The following ESR2 variants were observed in gnomAD, a reference collection of about 807,000 sequenced individuals.
ESR2 encodes estrogen receptor beta.
ESR2 carries 36 observed loss-of-function variants against 49.6 expected under a neutral mutation model. That is an observed-to-expected ratio of 0.73 (90% CI 0.56 to 0.96). The LOEUF is 0.96. Ranked by LOEUF, ESR2 falls within the 40% of genes least tolerant of loss-of-function variation. The pLI, the probability that ESR2 is intolerant of heterozygous loss-of-function variation, is 0.00. For missense variants in ESR2, 714 were observed against 693.0 expected (o/e 1.03, Z -0.34); for synonymous variants, 320 against 266.1 (o/e 1.20, Z -1.97).
chr14:64,227,501 T>C (rs1054945029), downstream of ESR2: 1 of 1,609,910 alleles, frequency 6.2e-7, no homozygotes, highest in Non-Finnish European at 8.5e-7. Context: ...TTACCCAAGA[T>C]TTTTCTTTAG....
At position 64,269,040 on chromosome 14, in the gene ESR2, G is replaced by T. The variant is rs2076387737; in HGVS notation, c.536-129C>A. On this transcript the variant is annotated intron_variant, in intron 3 of 8. Coordinates refer to ENST00000341099, the MANE Select transcript of ESR2 (RefSeq NM_001437.3). The stretch of plus-strand genomic sequence containing the variant: ...GACATCTTCTTAATGACCAGTACAG[G>T]TACAAAGCCAAAGTCAAGCTACATT... 8 of 610,326 alleles carry T rather than the reference G, an allele frequency of 1.3e-5. No homozygotes were observed. The South Asian group carries it at 1.7e-4, about 13-fold the overall frequency. 37.8% of individuals were successfully genotyped at this position (610,326 alleles called of 1,614,324 possible).
upstream of ESR2, among the ~76,000 whole-genome samples, chr14:64,294,801 C>T (rs34114304): frequency 1.3e-3 from 193 of 152,364 alleles, 2 homozygotes; most frequent in African/African-American, 4.5e-3. Flanking sequence ...CAGCAGCAAA[C>T]GTAACCTCGG....
At chr14:64,271,532 C>T (rs549262361) in intron 3 of ESR2, among the ~76,000 whole-genome samples, 7 of 152,114 alleles carry the variant, frequency 4.6e-5, no homozygotes, top group East Asian at 1.9e-4. Context: ...CACCGTGTTG[C>T]CCAAGCTGGT....
intron 1 of ESR2, among the ~76,000 whole-genome samples, chr14:64,313,095 AG>A (rs748326307): frequency 5.3e-4 from 80 of 152,346 alleles, no homozygotes; most frequent in South Asian, 1.2e-3. Flanking sequence ...CAAACAAAGT[AG>A]ACTTCAGAGC....
intron 1 of ESR2, among the ~76,000 whole-genome samples, chr14:64,323,134 G>T (rs2077344824): frequency 6.6e-6 from 1 of 152,176 alleles, no homozygotes; most frequent in South Asian, 2.1e-4. Context: ...GGTGACATGG[G>T]CAGAGAGAAA....
chr14:64,290,453 AATG>A (rs1174685662), intron 1 of ESR2, among the ~76,000 whole-genome samples: 2 of 152,010 alleles, frequency 1.3e-5, no homozygotes, highest in African/African-American at 4.8e-5. Context: ...CCCAGGCTGG[AATG>A]CAGTGGCATG....
intron 1 of ESR2, among the ~76,000 whole-genome samples, chr14:64,322,636 G>A (rs1230404660): frequency 2.0e-5 from 3 of 150,810 alleles, no homozygotes; most frequent in African/African-American, 7.3e-5. Context: ...CAACAAAAAA[G>A]AATGACAGCA....
chr14:64,326,897 G>A (rs1246363284), intron 1 of ESR2, among the ~76,000 whole-genome samples: 2 of 152,102 alleles, frequency 1.3e-5, no homozygotes, highest in Admixed American at 6.6e-5. Flanking sequence ...AGTCAACCAC[G>A]GTATAAAGGA....
chr14:64,291,312 C>T (rs542457280), intron 1 of ESR2, among the ~76,000 whole-genome samples: 215 of 152,338 alleles, frequency 1.4e-3, no homozygotes, highest in African/African-American at 5.0e-3. Context: ...CTCCTGCCCT[C>T]TCTCAAGTAC....
chr14:64,267,895 A>G lies in ESR2; in HGVS notation c.652+900T>C, dbSNP rs559560487. Among the ~76,000 whole-genome samples, 779 of 152,060 alleles carry G rather than the reference A, an allele frequency of 5.1e-3. 2 individuals carry two copies. Among genetic ancestry groups the G allele is most frequent in the Middle Eastern group, 0.01 (3 of 294 alleles). On this transcript the variant is annotated intron_variant, in intron 4 of 8. Coordinates refer to ENST00000341099, the MANE Select transcript of ESR2 (RefSeq NM_001437.3). ...CGAGACTCCATCTCAAAAAAAAAAA[A>G]AAAAAGAAATTGTCAGAGAGTAAAG...
chr14:64,286,870 T>G (rs1264560115), intron 1 of ESR2, among the ~76,000 whole-genome samples: 2 of 151,434 alleles, frequency 1.3e-5, no homozygotes, highest in Non-Finnish European at 2.9e-5. Context: ...GCATGCACAA[T>G]TAGGCCAGGC....
chr14:64,327,674 G>T (rs189492504), intron 1 of ESR2, among the ~76,000 whole-genome samples: 124 of 150,610 alleles, frequency 8.2e-4, no homozygotes, highest in Middle Eastern at 3.4e-3. Flanking sequence ...CAGCCTGGGC[G>T]ACAGAGCAAG....
intron 2 of ESR2, among the ~76,000 whole-genome samples, chr14:64,281,260 C>T (rs1045583880): frequency 6.6e-6 from 1 of 152,142 alleles, no homozygotes; most frequent in African/African-American, 2.4e-5. Flanking sequence ...CCCAGGCAGC[C>T]TCCAAAACAC....
chr14:64,275,365 G>A (rs1351699179), intron 3 of ESR2, among the ~76,000 whole-genome samples: 1 of 151,878 alleles, frequency 6.6e-6, no homozygotes, highest in African/African-American at 2.4e-5. Flanking sequence ...TTTTTGTCTT[G>A]AACTCTATTT....
At chr14:64,261,394 T>C (rs1233842001) in intron 4 of ESR2, among the ~76,000 whole-genome samples, 1 of 151,580 alleles carries the variant, frequency 6.6e-6, no homozygotes. Flanking sequence ...CCTGCCACCA[T>C]ATTTTTCCAC....
intron 1 of ESR2, among the ~76,000 whole-genome samples, chr14:64,332,672 C>T (rs903875753): frequency 2.0e-5 from 3 of 150,870 alleles, no homozygotes; most frequent in Admixed American, 2.0e-4. Context: ...TGCTGGTGGG[C>T]ACCTGTAGTC....
intron 1 of ESR2, among the ~76,000 whole-genome samples, chr14:64,299,787 C>G (rs1027984873): frequency 2.6e-5 from 4 of 152,152 alleles, no homozygotes; most frequent in African/African-American, 9.7e-5. Flanking sequence ...CTCTCTTATT[C>G]AGTCCTCTCC....
At chr14:64,310,473 CTTT>C (rs749049320) in intron 1 of ESR2, among the ~76,000 whole-genome samples, 2 of 135,630 alleles carry the variant, frequency 1.5e-5, no homozygotes, top group Non-Finnish European at 1.6e-5. Flanking sequence ...TGCCGGAGAA[CTTT>C]TTTTTTTTTT....
chr14:64,337,746 G>A (rs991741069), intron 1 of ESR2, among the ~76,000 whole-genome samples: 2 of 152,066 alleles, frequency 1.3e-5, no homozygotes, highest in Non-Finnish European at 2.9e-5. Flanking sequence ...TCAGAATATA[G>A]GAATAAGAAA....
Sources: gnomAD v4.1 joint callset for allele counts (sites outside exome capture counted in the v4.1 genomes callset) on GRCh38, gnomAD v4.1.1 for gene constraint, MANE v1.5 for transcripts, NCBI Gene and HGNC (gene_info 2026-07-23, HGNC 2026-07-21) for gene names.